Variants in DAB1 observed in about 807,000 individuals in gnomAD.
DAB1 encodes the protein DAB adaptor protein 1, also known as disabled homolog 1.
A neutral mutation model predicts 64.6 loss-of-function variants in DAB1; 15 were observed. The observed-to-expected ratio is 0.23, with a 90% CI of 0.16 to 0.36. The LOEUF (loss-of-function observed/expected upper bound fraction) is 0.36. Among genes scored for constraint, DAB1 ranks in the 10% least tolerant of loss-of-function variants. The pLI, the probability that DAB1 is intolerant of heterozygous loss-of-function variation, is 1.00. For synonymous variants in DAB1, 235 were observed against 251.9 expected, an observed-to-expected ratio of 0.93 and a Z score of 0.64; for missense variants, 596 against 706.7, an observed-to-expected ratio of 0.84 and a Z score of 1.78.
rs891649035 is a variant in DAB1, at chr1:57,827,974, C to G, written n.88-1519G>C. On this transcript the variant is annotated intron_variant and non_coding_transcript_variant, in intron 1 of 1. Coordinates refer to the DAB1 transcript ENST00000477280. ...TTTGTTTTTGTTTCTGAGATGGAGT[C>G]TCGCTCTGTCGCCCAGGCTGGAGTG... Among the ~76,000 whole-genome samples, 31 of 152,276 alleles carry G rather than the reference C, an allele frequency of 2.0e-4. No individual in the cohort carries two copies. In the Middle Eastern group the frequency reaches 0.01, roughly 50 times the overall value.
chr1:58,129,789 G>C (rs1229740954), intron 5 of DAB1, among the ~76,000 whole-genome samples: 1 of 152,028 alleles, frequency 6.6e-6, no homozygotes, highest in Non-Finnish European at 1.5e-5. Context: ...TCTTAATCCT[G>C]AGTTCTGTTT....
intron 5 of DAB1, among the ~76,000 whole-genome samples, chr1:58,028,087 A>T (rs1239302421): frequency 6.6e-6 from 1 of 152,204 alleles, no homozygotes; most frequent in Non-Finnish European, 1.5e-5. Context: ...ATAGAACATC[A>T]ATACACTAGG....
At chr1:57,411,782 G>C (rs1015181959) in intron 1 of DAB1, among the ~76,000 whole-genome samples, 1 of 152,218 alleles carries the variant, frequency 6.6e-6, no homozygotes, top group Non-Finnish European at 1.5e-5. Flanking sequence ...GGAGGGCAGT[G>C]ACCTGTCGAG....
intron 11 of DAB1, among the ~76,000 whole-genome samples, chr1:57,020,894 A>T (rs1646593902): frequency 6.6e-6 from 1 of 152,216 alleles, no homozygotes; most frequent in Non-Finnish European, 1.5e-5. Context: ...TAATGGCTGA[A>T]TCAGGATCCA....
chr1:58,396,122 G>A (rs1443014843), intron 3 of DAB1, among the ~76,000 whole-genome samples: 1 of 151,814 alleles, frequency 6.6e-6, no homozygotes, highest in African/African-American at 2.4e-5. Context: ...GAAGAGGGCA[G>A]GGGAGGGAGG....
chr1:57,121,162 G>GGAGAAGGAA (rs1326262275), intron 4 of DAB1, among the ~76,000 whole-genome samples: 2 of 149,568 alleles, frequency 1.3e-5, no homozygotes, highest in Non-Finnish European at 3.0e-5. Flanking sequence ...AGGAGGAGGA[G>GGAGAAGGAA]GAGAAGGAGG....
intron 2 of DAB1, among the ~76,000 whole-genome samples, chr1:57,167,205 G>A (rs898744736): frequency 2.6e-5 from 4 of 152,074 alleles, no homozygotes; most frequent in African/African-American, 9.7e-5. Flanking sequence ...AAATAATTTG[G>A]TTCCATAATC....
intron 3 of DAB1, among the ~76,000 whole-genome samples, chr1:57,140,695 G>C (rs1040308581): frequency 6.6e-6 from 1 of 152,178 alleles, no homozygotes; most frequent in African/African-American, 2.4e-5. Context: ...ACTTCGCACA[G>C]TATGCAGGGA....
chr1:57,838,056 T>C (rs1652890514), intron 1 of DAB1, among the ~76,000 whole-genome samples: 2 of 152,174 alleles, frequency 1.3e-5, no homozygotes, highest in South Asian at 4.2e-4. Context: ...AGCCTCTCTA[T>C]ATTTTGTCAC....
At chr1:58,178,891 C>T (rs74075943) in intron 4 of DAB1, among the ~76,000 whole-genome samples, 1 of 152,200 alleles carries the variant, frequency 6.6e-6, no homozygotes, top group Non-Finnish European at 1.5e-5. Flanking sequence ...TATTTTGTTC[C>T]TGATCTGAAG....
intron 6 of DAB1, among the ~76,000 whole-genome samples, chr1:57,748,312 C>T (rs1006495747): frequency 1.3e-5 from 2 of 152,186 alleles, no homozygotes; most frequent in African/African-American, 4.8e-5. Context: ...GGCCAGACTG[C>T]CTGAACTTCC....
chr1:57,635,720 C>T (rs1304181281), intron 7 of DAB1, among the ~76,000 whole-genome samples: 1 of 152,046 alleles, frequency 6.6e-6, no homozygotes, highest in Non-Finnish European at 1.5e-5. Context: ...TCCCCCTGAC[C>T]CTGGTCCATG....
intron 7 of DAB1, among the ~76,000 whole-genome samples, chr1:57,556,140 G>T (rs1644985468): frequency 6.6e-6 from 1 of 152,116 alleles, no homozygotes; most frequent in African/African-American, 2.4e-5. Flanking sequence ...AGCATTCTAT[G>T]GTATATACAT....
At chr1:57,246,674 G>A (rs1006235802) in intron 2 of DAB1, among the ~76,000 whole-genome samples, 1 of 152,178 alleles carries the variant, frequency 6.6e-6, no homozygotes, top group Non-Finnish European at 1.5e-5. Flanking sequence ...GCTTGCATGT[G>A]TACCTGGAAA....
At chr1:57,343,197 C>T (rs1427383299) in intron 1 of DAB1, among the ~76,000 whole-genome samples, 7 of 152,100 alleles carry the variant, frequency 4.6e-5, no homozygotes, top group Admixed American at 4.6e-4. Context: ...TCTCCAAGTC[C>T]CCACCAGAGT....
At chr1:57,672,411 A>C (rs1044681286) in intron 6 of DAB1, among the ~76,000 whole-genome samples, 1 of 152,186 alleles carries the variant, frequency 6.6e-6, no homozygotes, top group African/African-American at 2.4e-5. Flanking sequence ...AAAATAAAAC[A>C]GTTGCTATGA....
chr1:57,136,032 G>A (rs1658049352), intron 4 of DAB1, among the ~76,000 whole-genome samples: 1 of 152,084 alleles, frequency 6.6e-6, no homozygotes, highest in South Asian at 2.1e-4. Flanking sequence ...TCTTTGGTGG[G>A]TTCAACAAAC....
intron 7 of DAB1, among the ~76,000 whole-genome samples, chr1:57,603,524 C>T (rs887966142): frequency 5.9e-5 from 9 of 152,160 alleles, no homozygotes; most frequent in Non-Finnish European, 1.2e-4. Context: ...ATCAATTGAG[C>T]GGGGACCACA....
chr1:58,415,591 C>T (rs17117482), intron 3 of DAB1: 5,199 of 156,892 alleles, frequency 0.033, 108 homozygotes, highest in African/African-American at 0.063. Context: ...TACCAAATAC[C>T]CACTTGTACT....
Sources: allele counts gnomAD v4.1 joint callset (sites outside exome capture counted in the v4.1 genomes callset), GRCh38; gene constraint gnomAD v4.1.1; transcripts MANE v1.5; gene names NCBI Gene and HGNC (gene_info 2026-07-23, HGNC 2026-07-21).